The following PDSS2 variants were observed in gnomAD, a reference collection of about 807,000 sequenced individuals.
The protein encoded by PDSS2 is decaprenyl diphosphate synthase subunit 2, also known as all trans-polyprenyl-diphosphate synthase PDSS2.
Under a neutral mutation model 44.5 loss-of-function variants are expected in PDSS2, and 31 were observed. That is an observed-to-expected ratio of 0.70 (90% CI 0.52 to 0.94). The LOEUF is 0.94. Ranked by LOEUF, PDSS2 falls within the 40% of genes least tolerant of loss-of-function variation. PDSS2 has a pLI of 0.00. For missense variants in PDSS2, 452 were observed against 482.2 expected, an observed-to-expected ratio of 0.94 and a Z score of 0.59; for synonymous variants, 157 against 180.3, an observed-to-expected ratio of 0.87 and a Z score of 1.03.
intron 4 of PDSS2, among the ~76,000 whole-genome samples, chr6:107,242,655 G>C (rs2114792283): frequency 6.6e-6 from 1 of 152,286 alleles, no homozygotes; most frequent in African/African-American, 2.4e-5. Context: ...TGATCCTCCT[G>C]CCTCGCCTCA....
chr6:107,177,894 G>C (rs546740808), intron 7 of PDSS2, among the ~76,000 whole-genome samples: 2 of 152,278 alleles, frequency 1.3e-5, no homozygotes, highest in South Asian at 4.1e-4. Flanking sequence ...TGTGGGATGA[G>C]AGCATTCACA....
chr6:107,154,793 T>C lies in PDSS2; in HGVS notation c.1042-16A>G. ...TTTCTCGCAACTGTTAAGAAACAAA[T>C]GCATGATAAAAGTCAGTTTTAAAGG... On this transcript the variant is annotated splice_polypyrimidine_tract_variant and intron_variant, in intron 7 of 7. Coordinates refer to ENST00000369037, the MANE Select transcript of PDSS2 (RefSeq NM_020381.4). 1 of 1,613,516 alleles carries C rather than the reference T, an allele frequency of 6.2e-7. No individual in the cohort carries two copies. The highest frequency in any genetic ancestry group is 8.5e-7 in the Non-Finnish European group (1 of 1,179,462).
At chr6:107,260,887 C>T (rs1253705558) in intron 3 of PDSS2, among the ~76,000 whole-genome samples, 3 of 152,050 alleles carry the variant, frequency 2.0e-5, no homozygotes, top group Non-Finnish European at 4.4e-5. Flanking sequence ...TGGTCTCGAT[C>T]TCCTGACCTT....
intron 2 of PDSS2, among the ~76,000 whole-genome samples, chr6:107,288,520 A>C (rs1454091536): frequency 1.3e-5 from 2 of 152,140 alleles, no homozygotes; most frequent in Non-Finnish European, 2.9e-5. Flanking sequence ...TGAACTTTTT[A>C]ATAGACTTTT....
chr6:107,178,170 A>G (rs1771858881), intron 7 of PDSS2, among the ~76,000 whole-genome samples: 1 of 152,202 alleles, frequency 6.6e-6, no homozygotes, highest in Non-Finnish European at 1.5e-5. Flanking sequence ...AGTTTAAAAC[A>G]CATTTATAAT....
At chr6:107,172,922 G>A (rs1376977610) in intron 7 of PDSS2, among the ~76,000 whole-genome samples, 2 of 151,676 alleles carry the variant, frequency 1.3e-5, no homozygotes, top group Admixed American at 6.6e-5. Flanking sequence ...TCAGGAGTTC[G>A]AGACCAGCCT....
In PDSS2 at chr6:107,266,434, C is replaced by T. The variant is rs190627930; in HGVS notation, c.630+7595G>A. ...TGACCTGGTAGAGCCTTCAATGACC[C>T]TTTGAAGAACAAGGTGCAAAAGATT... On this transcript the variant is annotated intron_variant, in intron 3 of 7. Coordinates refer to ENST00000369037, the MANE Select transcript of PDSS2 (RefSeq NM_020381.4). Among the ~76,000 whole-genome samples the T allele has an allele frequency of 2.0e-5, 3 of 151,310 alleles. No homozygotes were observed. In the East Asian group the frequency reaches 5.8e-4, roughly 29 times the overall value.
At position 107,162,610 on chromosome 6, in the gene PDSS2, A is replaced by ATTTTTTTTTTTTTTTTTT. The variant is rs71012782; in HGVS notation, c.1042-7834_1042-7833insAAAAAAAAAAAAAAAAAA. Among the ~76,000 whole-genome samples the ATTTTTTTTTTTTTTTTTT allele has an allele frequency of 1.5e-4, 17 of 115,544 alleles. 1 individual carries two copies. Among genetic ancestry groups the ATTTTTTTTTTTTTTTTTT allele is most frequent in the South Asian group, 2.6e-4 (1 of 3,788 alleles). The allele number at this position is 115,544 out of a possible 152,430, so 75.8% of individuals were successfully genotyped here. Reference sequence around the variant, plus strand: ...TTTTTATTTTGTCAAGAATTCCCTAATTTTTTTTTTTTTTTGAGATGGAGT... The same window carrying ATTTTTTTTTTTTTTTTTT: ...TTTTTATTTTGTCAAGAATTCCCTAATTTTTTTTTTTTTTTTTTTTTTTTTTTTTTTTTGAGATGGAGT... On this transcript the variant is annotated intron_variant, in intron 7 of 7. Transcript: ENST00000369037.
At chr6:107,359,810 CG>C (rs1263858721) in intron 1 of PDSS2, among the ~76,000 whole-genome samples, 2 of 151,944 alleles carry the variant, frequency 1.3e-5, no homozygotes, top group East Asian at 3.9e-4. Context: ...GTCCTGGAGG[CG>C]GGGGGCGGTC....
chr6:107,216,911 T>G (rs540210311), intron 4 of PDSS2, among the ~76,000 whole-genome samples: 11 of 152,208 alleles, frequency 7.2e-5, no homozygotes, highest in African/African-American at 2.6e-4. Context: ...GGGAGCAAAA[T>G]AGAAAGTCCA....
chr6:107,172,836 G>C (rs1771629849), intron 7 of PDSS2, among the ~76,000 whole-genome samples: 1 of 151,028 alleles, frequency 6.6e-6, no homozygotes, highest in Admixed American at 6.6e-5. Context: ...TCAGAAATAG[G>C]ATAGAGTGGC....
At chr6:107,266,384 G>A (rs1158697748) in intron 3 of PDSS2, among the ~76,000 whole-genome samples, 2 of 143,450 alleles carry the variant, frequency 1.4e-5, no homozygotes, top group Admixed American at 1.4e-4. Flanking sequence ...AACCCCTGAG[G>A]CATTTTTTTT....
intron 1 of PDSS2, among the ~76,000 whole-genome samples, chr6:107,384,438 C>T (rs566615483): frequency 6.6e-6 from 1 of 152,154 alleles, no homozygotes; most frequent in African/African-American, 2.4e-5. Context: ...GTCAGGAGTT[C>T]GAGACCAGCC....
intron 1 of PDSS2, among the ~76,000 whole-genome samples, chr6:107,370,832 A>G (rs576722578): frequency 6.6e-6 from 1 of 152,334 alleles, no homozygotes; most frequent in African/African-American, 2.4e-5. Flanking sequence ...CTCCAGTTCA[A>G]AATAAGAACT....
At chr6:107,196,092 A>AC (rs1772553736) in intron 6 of PDSS2, among the ~76,000 whole-genome samples, 2 of 152,236 alleles carry the variant, frequency 1.3e-5, no homozygotes, top group Non-Finnish European at 2.9e-5. Context: ...ACTGAGATGC[A>AC]TTGTACCAAC....
rs902856977 is a variant in PDSS2, at chr6:107,430,947, T to C, written c.296+28043A>G. 1.9e-4 allele frequency among the ~76,000 whole-genome samples: 29 copies of C among 152,366 alleles called. No homozygotes were observed. The East Asian group carries it at 4.8e-3, about 25-fold the overall frequency. On this transcript the variant is annotated intron_variant, in intron 1 of 7. Coordinates refer to ENST00000369037, the MANE Select transcript of PDSS2 (RefSeq NM_020381.4). ...ATTGTAATTCAAAAAAATTAATCGATATTTTGCTCCAGAAAGGATGATTAG... is the reference window on the plus strand; with the variant it reads ...ATTGTAATTCAAAAAAATTAATCGACATTTTGCTCCAGAAAGGATGATTAG...
At chr6:107,452,241 G>A (rs901319184) in intron 1 of PDSS2, among the ~76,000 whole-genome samples, 2 of 150,080 alleles carry the variant, frequency 1.3e-5, no homozygotes, top group African/African-American at 5.0e-5. Flanking sequence ...AGTTTAGAGA[G>A]TTCTTTTTTT....
chr6:107,277,598 A>G (rs1044489780), intron 2 of PDSS2, among the ~76,000 whole-genome samples: 6 of 152,016 alleles, frequency 3.9e-5, no homozygotes, highest in Non-Finnish European at 1.5e-5. Context: ...CAAAGGTCCA[A>G]GGAAGATGCA....
rs1040592670 is a variant in PDSS2 at position 107,273,257 on chromosome 6, T to C, written c.630+772A>G. 1.4e-4 allele frequency among the ~76,000 whole-genome samples: 21 copies of C among 152,138 alleles called. 1 individual carries two copies. The highest frequency in any genetic ancestry group is 1.3e-3 in the Admixed American group (20 of 15,274). On this transcript the variant is annotated intron_variant, in intron 3 of 7. Coordinates refer to ENST00000369037, the MANE Select transcript of PDSS2 (RefSeq NM_020381.4). Reference sequence around the variant, plus strand: ...CCTCGGCCTCCCAAAGTGCTGGGATTACAGGAGTGAGCCACCACACCTGGC... The same window carrying C: ...CCTCGGCCTCCCAAAGTGCTGGGATCACAGGAGTGAGCCACCACACCTGGC...
Sources: gnomAD v4.1 joint callset for allele counts (sites outside exome capture counted in the v4.1 genomes callset) on GRCh38, gnomAD v4.1.1 for gene constraint, MANE v1.5 for transcripts, NCBI Gene and HGNC (gene_info 2026-07-23, HGNC 2026-07-21) for gene names.